Variants in MAP2K5 observed in about 807,000 individuals in gnomAD.
MAP2K5 encodes mitogen-activated protein kinase kinase 5.
MAP2K5 carries 49 observed loss-of-function variants against 83.1 expected under a neutral mutation model. That is an observed-to-expected ratio of 0.59 (90% CI 0.47 to 0.75). MAP2K5 has a LOEUF of 0.75. Ranked by LOEUF, MAP2K5 falls within the 30% of genes least tolerant of loss-of-function variation. MAP2K5 has a pLI of 0.00. For synonymous variants in MAP2K5, 202 were observed against 191.8 expected (o/e 1.05, Z -0.44); for missense variants, 457 against 557.5 (o/e 0.82, Z 1.82).
At chr15:67,753,249 G>A (rs1226855156) in intron 19 of MAP2K5, among the ~76,000 whole-genome samples, 2 of 152,090 alleles carry the variant, frequency 1.3e-5, no homozygotes, top group Non-Finnish European at 2.9e-5. Flanking sequence ...ATTCTCAAAA[G>A]GAAACATAGA....
In MAP2K5 at chr15:67,658,622, T is replaced by C. The variant is rs1322419039; in HGVS notation, c.798+8T>C. On this transcript the variant is annotated splice_region_variant and intron_variant, in intron 12 of 21. Coordinates refer to ENST00000178640, the MANE Select transcript of MAP2K5 (RefSeq NM_145160.3). ...GGAAGAATTGCAGTAGCAGTAAGTA[T>C]ATGGCTTCAGTGTTAGGAAATTTGA... 6.2e-7 allele frequency: 1 copy of C among 1,607,198 alleles called. No homozygotes were observed. The highest frequency in any genetic ancestry group is 8.5e-7 in the Non-Finnish European group (1 of 1,174,766).
chr15:67,791,439 A>G lies in MAP2K5; in HGVS notation c.1243-15207A>G, dbSNP rs550529554. ...AAACTTGGGCTCAGGCATCATTACC[A>G]TCTTAGAGTGCAGTGTCCTTGTTTA... On this transcript the variant is annotated intron_variant, in intron 21 of 21. Coordinates refer to ENST00000178640, the MANE Select transcript of MAP2K5 (RefSeq NM_145160.3). Among the ~76,000 whole-genome samples the G allele has an allele frequency of 9.8e-5, 15 of 152,360 alleles. No homozygotes were observed. The East Asian group carries it at 2.9e-3, about 29-fold the overall frequency.
chr15:67,806,534 A>T, intron 21 of MAP2K5, 112 bp from the exon 22 acceptor site: 1 of 923,766 alleles, frequency 1.1e-6, no homozygotes, highest in Non-Finnish European at 1.6e-6. Flanking sequence ...TCGTTACCTC[A>T]CAGGGTTACT....
chr15:67,640,484 T>C lies in MAP2K5; in HGVS notation c.586-5747T>C. ...ATGTCACTTGAACCTCCCAGTGACCTCAGCTGTGAAACGGGGCTGCCTGAT... is the reference window on the plus strand; with the variant it reads ...ATGTCACTTGAACCTCCCAGTGACCCCAGCTGTGAAACGGGGCTGCCTGAT... On this transcript the variant is annotated intron_variant, in intron 9 of 21. Coordinates refer to ENST00000178640, the MANE Select transcript of MAP2K5 (RefSeq NM_145160.3). This position sits in a 1 kb window ranked among gnomAD's most constrained non-coding sequence, Gnocchi z 4.6. The C allele has an allele frequency of 1.7e-6, 1 of 600,204 alleles. No homozygotes were observed. The allele number at this position is 600,204 out of a possible 1,614,324, so 37.2% of individuals were successfully genotyped here. A position where few individuals can be genotyped will look rare whatever the true frequency, so the allele number is the denominator to read the frequency against.
chr15:67,621,534 G>C (rs1380023473), intron 8 of MAP2K5, among the ~76,000 whole-genome samples: 1 of 149,314 alleles, frequency 6.7e-6, no homozygotes, highest in Non-Finnish European at 1.5e-5. Flanking sequence ...ATAAAATATA[G>C]CAGTGAGAAG....
chr15:67,628,569 T>A, intron 8 of MAP2K5: 1 of 1,191,488 alleles, frequency 8.4e-7, no homozygotes, highest in South Asian at 1.2e-5. Context: ...TTGAAGTGAT[T>A]GAAATCATGA....
rs756052971 is a variant in MAP2K5, at chr15:67,806,867, C to A, written c.*117C>A. 3.1e-6 allele frequency: 5 copies of A among 1,595,116 alleles called. No homozygotes were observed. Among genetic ancestry groups the A allele is most frequent in the Non-Finnish European group, 4.2e-6 (5 of 1,178,326 alleles). ...GCTTTGCTGGGCCCTGGCTTCCCTG[C>A]CCTCGCCTTCACCTCTGTCAGCAGG... On this transcript the variant is annotated 3_prime_UTR_variant, in exon 22 of 22. Coordinates refer to ENST00000178640, the MANE Select transcript of MAP2K5 (RefSeq NM_145160.3).
At position 67,644,763 on chromosome 15, in the gene MAP2K5, G is replaced by A. The variant is rs2086793267; in HGVS notation, c.586-1468G>A. 6.6e-6 allele frequency among the ~76,000 whole-genome samples: 1 copy of A among 151,750 alleles called. No homozygotes were observed. Among genetic ancestry groups the A allele is most frequent in the Non-Finnish European group, 1.5e-5 (1 of 67,950 alleles). ...CTTCAAGCTTTAACTTTCTGTAACA[G>A]GATTAGCAAAGAACATTACCTGACT... On this transcript the variant is annotated intron_variant, in intron 9 of 21. Coordinates refer to ENST00000178640, the MANE Select transcript of MAP2K5 (RefSeq NM_145160.3). This position sits in a 1 kb window ranked among gnomAD's most constrained non-coding sequence, Gnocchi z 4.6.
At chr15:67,655,731 CTTG>C (rs1427295605) in intron 11 of MAP2K5, among the ~76,000 whole-genome samples, 1 of 152,030 alleles carries the variant, frequency 6.6e-6, no homozygotes, top group African/African-American at 2.4e-5. Context: ...TACTGAACTT[CTTG>C]GATGTGTAGA....
At chr15:67,568,024 G>A (rs2084876216) in intron 3 of MAP2K5, among the ~76,000 whole-genome samples, 1 of 152,336 alleles carries the variant, frequency 6.6e-6, no homozygotes, top group South Asian at 2.1e-4. Flanking sequence ...TAAATCCTGT[G>A]TCTAGGGATT....
At chr15:67,554,975 AG>A (rs1442081998) in intron 2 of MAP2K5, among the ~76,000 whole-genome samples, 3 of 152,188 alleles carry the variant, frequency 2.0e-5, no homozygotes, top group African/African-American at 7.2e-5. Flanking sequence ...GACTGACCCA[AG>A]GGGGTCAAAC....
intron 2 of MAP2K5, among the ~76,000 whole-genome samples, chr15:67,557,571 A>G (rs973176349): frequency 2.0e-5 from 3 of 152,188 alleles, no homozygotes; most frequent in Admixed American, 6.5e-5. Context: ...CTGGAAGATT[A>G]TTTTGTATTT....
intron 8 of MAP2K5, among the ~76,000 whole-genome samples, chr15:67,624,338 CAAAAAAAA>C (rs755739176): frequency 7.7e-5 from 6 of 78,338 alleles, no homozygotes; most frequent in South Asian, 1.2e-3. Context: ...GACTCCGTCT[CAAAAAAAA>C]AAAAAAAAAA....
intron 8 of MAP2K5, among the ~76,000 whole-genome samples, chr15:67,623,081 G>A (rs2086224924): frequency 6.6e-6 from 1 of 152,142 alleles, no homozygotes; most frequent in African/African-American, 2.4e-5. Context: ...CAGCCTGGGC[G>A]ACAGAGCGAG....
rs1269448647 is a variant in MAP2K5 at position 67,565,600 on chromosome 15, A to T, written c.252+2250A>T. Among the ~76,000 whole-genome samples, 2 of 152,016 alleles carry T rather than the reference A, an allele frequency of 1.3e-5. No individual in the cohort carries two copies. The highest frequency in any genetic ancestry group is 4.8e-5 in the African/African-American group (2 of 41,332). Reference sequence around the variant, plus strand: ...CTTAGTTGTGATTTCTGCACCATGTATTCCTTACAGCATATGCTTATTTTC... The same window carrying T: ...CTTAGTTGTGATTTCTGCACCATGTTTTCCTTACAGCATATGCTTATTTTC... On this transcript the variant is annotated intron_variant, in intron 3 of 21. Coordinates refer to ENST00000178640, the MANE Select transcript of MAP2K5 (RefSeq NM_145160.3). The surrounding 1 kb of genome is among the most constrained non-coding windows in gnomAD (Gnocchi z 4.1).
chr15:67,682,438 T>C (rs2087840331), intron 13 of MAP2K5, among the ~76,000 whole-genome samples: 1 of 151,812 alleles, frequency 6.6e-6, no homozygotes, highest in Non-Finnish European at 1.5e-5. Flanking sequence ...TTGGCCAGGC[T>C]CATTTCGATC....
chr15:67,703,244 G>C, intron 15 of MAP2K5, 93 bp from the exon 16 acceptor site: 1 of 835,894 alleles, frequency 1.2e-6, no homozygotes, highest in Non-Finnish European at 2.0e-6. Flanking sequence ...TGCAGATGTT[G>C]GTGGCTCCTC....
intron 19 of MAP2K5, among the ~76,000 whole-genome samples, chr15:67,767,157 C>T (rs1180531695): frequency 6.6e-6 from 1 of 152,124 alleles, no homozygotes; most frequent in Non-Finnish European, 1.5e-5. Context: ...ACTTAACAGG[C>T]TACAATATCA....
rs2084985633 is a variant in MAP2K5, at chr15:67,573,300, C to G, written c.253-7454C>G. ...GAAAAGAGGTTTAATTGACACAGTT[C>G]TGCATGGCTGGGGAGGCCTCAGGAA... On this transcript the variant is annotated intron_variant, in intron 3 of 21. Coordinates refer to ENST00000178640, the MANE Select transcript of MAP2K5 (RefSeq NM_145160.3). The surrounding 1 kb of genome is among the most constrained non-coding windows in gnomAD (Gnocchi z 4.2). 6.6e-6 allele frequency among the ~76,000 whole-genome samples: 1 copy of G among 152,148 alleles called. No individual in the cohort carries two copies. The highest frequency in any genetic ancestry group is 1.5e-5 in the Non-Finnish European group (1 of 68,032).
Sources: allele counts gnomAD v4.1 joint callset (sites outside exome capture counted in the v4.1 genomes callset), GRCh38; gene constraint gnomAD v4.1.1; non-coding constraint Gnocchi (gnomAD v3.1); transcripts MANE v1.5; gene names NCBI Gene and HGNC (gene_info 2026-07-23, HGNC 2026-07-21).